TAMM41: variants seen among roughly 807,000 people sequenced by gnomAD.
TAMM41 encodes the protein TAM41 mitochondrial translocator assembly and maintenance homolog.
TAMM41 carries 36 observed loss-of-function variants against 44.1 expected under a neutral mutation model. That is an observed-to-expected ratio of 0.82 (90% CI 0.63 to 1.08). The LOEUF (loss-of-function observed/expected upper bound fraction) is 1.08. Ranked by LOEUF, TAMM41 falls within the 50% of genes least tolerant of loss-of-function variation. The probability of loss-of-function intolerance (pLI) is 0.00; values close to 1 mark genes in which losing one functional copy is unlikely to be tolerated. For synonymous variants in TAMM41, 164 were observed against 153.1 expected (o/e 1.07, Z -0.53); for missense variants, 417 against 404.3 (o/e 1.03, Z -0.27).
the TAMM41 span, among the ~76,000 whole-genome samples, chr3:11,768,972 C>G: frequency 6.6e-6 from 1 of 152,308 alleles, no homozygotes; most frequent in South Asian, 2.1e-4. Flanking sequence ...GAAGGACATT[C>G]TAGCCATCAG....
the TAMM41 span, among the ~76,000 whole-genome samples, chr3:11,755,378 G>A: frequency 1.1e-4 from 17 of 152,124 alleles, no homozygotes; most frequent in Non-Finnish European, 7.3e-5. Context: ...GAAGGAATGC[G>A]GAAGGACTAA....
chr3:11,795,980 G>A (rs902384885), intron 7 of TAMM41, among the ~76,000 whole-genome samples: 2 of 152,126 alleles, frequency 1.3e-5, no homozygotes, highest in African/African-American at 4.8e-5. Context: ...ACAGTCTAAG[G>A]GAAATTAAAA....
At chr3:11,842,097 C>T (rs2079471351) in intron 2 of TAMM41, among the ~76,000 whole-genome samples, 1 of 152,076 alleles carries the variant, frequency 6.6e-6, no homozygotes, top group Non-Finnish European at 1.5e-5. Context: ...ATTGGCATCA[C>T]TTGGGAGCTT....
At chr3:11,745,384 C>T in the TAMM41 span, among the ~76,000 whole-genome samples, 2 of 152,132 alleles carry the variant, frequency 1.3e-5, no homozygotes, top group Non-Finnish European at 2.9e-5. Flanking sequence ...TATCCATGCT[C>T]ATAGAAGCAT....
intron 7 of TAMM41, chr3:11,807,447 AC>A: frequency 2.6e-6 from 4 of 1,527,956 alleles, no homozygotes; most frequent in Non-Finnish European, 3.5e-6. Flanking sequence ...AACAAAAATA[AC>A]CCACTAAGAC....
downstream of TAMM41, among the ~76,000 whole-genome samples, chr3:11,789,029 G>C (rs1393285071): frequency 6.6e-6 from 1 of 152,078 alleles, no homozygotes; most frequent in Admixed American, 6.6e-5. Flanking sequence ...AACCACAGCA[G>C]CAACAACCAT....
the TAMM41 span, among the ~76,000 whole-genome samples, chr3:11,777,912 C>A: frequency 1.1e-4 from 17 of 152,264 alleles, no homozygotes; most frequent in East Asian, 3.3e-3. Context: ...AGCTTCACTC[C>A]TAAGCCCCCA....
chr3:11,727,705 A>T, the TAMM41 span, among the ~76,000 whole-genome samples: 89 of 151,724 alleles, frequency 5.9e-4, no homozygotes, highest in Non-Finnish European at 1.1e-3. Flanking sequence ...GACTCAAGTG[A>T]TCCTCCCGCC....
At chr3:11,822,881 C>T (rs941118590) in intron 4 of TAMM41, among the ~76,000 whole-genome samples, 1 of 152,202 alleles carries the variant, frequency 6.6e-6, no homozygotes, top group African/African-American at 2.4e-5. Context: ...TTTCATTTCT[C>T]ATAGGTAGAT....
chr3:11,843,767 C>T, intron 2 of TAMM41: 1 of 422,278 alleles, frequency 2.4e-6, no homozygotes, highest in Non-Finnish European at 4.1e-6. Flanking sequence ...CACCTCCTCA[C>T]ACTGCAATGA....
At chr3:11,785,473 C>G (rs2077411088), downstream of TAMM41, among the ~76,000 whole-genome samples, 1 of 151,938 alleles carries the variant, frequency 6.6e-6, no homozygotes, top group Admixed American at 6.6e-5. Flanking sequence ...CTACAGGCAC[C>G]CCCTACCATG....
intron 5 of TAMM41, among the ~76,000 whole-genome samples, chr3:11,812,251 A>G (rs1272888241): frequency 6.6e-6 from 1 of 152,132 alleles, no homozygotes; most frequent in Admixed American, 6.5e-5. Flanking sequence ...AGTAAAGAAA[A>G]AATAAAACCA....
intron 3 of TAMM41, among the ~76,000 whole-genome samples, chr3:11,831,953 G>A (rs548833990): frequency 2.6e-5 from 4 of 152,244 alleles, no homozygotes; most frequent in South Asian, 2.1e-4. Context: ...TAGTATTACT[G>A]CAATCATCTG....
chr3:11,813,595 T>C (rs1213574960), intron 5 of TAMM41, among the ~76,000 whole-genome samples: 1 of 152,078 alleles, frequency 6.6e-6, no homozygotes, highest in Non-Finnish European at 1.5e-5. Context: ...AGCCCACCAG[T>C]TGACAAGCCT....
the TAMM41 span, among the ~76,000 whole-genome samples, chr3:11,779,019 TAGG>T: frequency 2.0e-5 from 3 of 152,134 alleles, no homozygotes; most frequent in African/African-American, 7.2e-5. Flanking sequence ...TGGGGCCTAA[TAGG>T]AGGTGTCTGG....
At chr3:11,771,455 CAG>C in the TAMM41 span, 2 of 152,216 alleles carry the variant, frequency 1.3e-5, no homozygotes, top group Non-Finnish European at 2.9e-5. Context: ...GGGCTCTTTT[CAG>C]AGTCTCTGTT....
At chr3:11,842,621 G>C (rs1018984240) in intron 2 of TAMM41, among the ~76,000 whole-genome samples, 5 of 152,126 alleles carry the variant, frequency 3.3e-5, no homozygotes, top group African/African-American at 1.2e-4. Flanking sequence ...TTGAGCCCGG[G>C]AGGCAGAGAT....
At chr3:11,759,391 G>A in the TAMM41 span, among the ~76,000 whole-genome samples, 1 of 151,774 alleles carries the variant, frequency 6.6e-6, no homozygotes, top group Admixed American at 6.6e-5. Context: ...TGCCAACTCT[G>A]CTTGGAAGTG....
the TAMM41 span, among the ~76,000 whole-genome samples, chr3:11,775,115 C>G: frequency 5.3e-5 from 8 of 152,192 alleles, no homozygotes; most frequent in Non-Finnish European, 7.3e-5. Flanking sequence ...GATCCACCCC[C>G]TCAGCCTCCC....
Sources: allele counts gnomAD v4.1 joint callset (sites outside exome capture counted in the v4.1 genomes callset), GRCh38; gene constraint gnomAD v4.1.1; transcripts MANE v1.5; gene names NCBI Gene and HGNC (gene_info 2026-07-23, HGNC 2026-07-21).